Variants in NR3C2 observed in about 807,000 individuals in gnomAD.
NR3C2 encodes the protein nuclear receptor subfamily 3 group C member 2.
Under a neutral mutation model 86.4 loss-of-function variants are expected in NR3C2, and 15 were observed. The observed-to-expected ratio is 0.17, with a 90% CI of 0.12 to 0.27. NR3C2 has a LOEUF of 0.27. NR3C2 is among the 10% of genes least tolerant of loss of function. The pLI is 1.00. For synonymous variants in NR3C2, 458 were observed against 450.5 expected (o/e 1.02, Z -0.21); for missense variants, 960 against 1,195.6 (o/e 0.80, Z 2.91).
At chr4:148,429,948 G>A (rs1285553739) in intron 2 of NR3C2, among the ~76,000 whole-genome samples, 3 of 152,142 alleles carry the variant, frequency 2.0e-5, no homozygotes, top group Non-Finnish European at 1.5e-5. Context: ...ACAGCTGAAA[G>A]TGAAGAAAAA....
chr4:148,127,740 C>T (rs927799403), intron 6 of NR3C2, among the ~76,000 whole-genome samples: 2 of 152,100 alleles, frequency 1.3e-5, no homozygotes, highest in African/African-American at 4.8e-5. Context: ...AGACCCATTC[C>T]AGAGGTTGGG....
chr4:148,280,744 C>T (rs1206045862), intron 2 of NR3C2, among the ~76,000 whole-genome samples: 1 of 152,106 alleles, frequency 6.6e-6, no homozygotes, highest in Non-Finnish European at 1.5e-5. Context: ...AGCTCAAGCA[C>T]AATCCTCCTG....
intron 5 of NR3C2, among the ~76,000 whole-genome samples, chr4:148,153,998 T>C (rs894742433): frequency 6.0e-5 from 9 of 151,002 alleles, no homozygotes; most frequent in African/African-American, 2.4e-5. Context: ...TATGTCATTT[T>C]TTTTATTTTT....
intron 3 of NR3C2, among the ~76,000 whole-genome samples, chr4:148,250,119 A>T (rs534389702): frequency 6.6e-6 from 1 of 152,200 alleles, no homozygotes; most frequent in Non-Finnish European, 1.5e-5. Context: ...TATTTTACAT[A>T]TAACTACTTA....
intron 2 of NR3C2, among the ~76,000 whole-genome samples, chr4:148,277,784 C>G (rs1435493455): frequency 6.6e-6 from 1 of 152,170 alleles, no homozygotes; most frequent in African/African-American, 2.4e-5. Context: ...CCCACACCAG[C>G]ATTCATGCCA....
intron 2 of NR3C2, among the ~76,000 whole-genome samples, chr4:148,348,286 G>T (rs191486363): frequency 1.7e-4 from 26 of 152,142 alleles, no homozygotes; most frequent in African/African-American, 6.3e-4. Flanking sequence ...AATATGCTCT[G>T]TCCTCCCAGA....
At chr4:148,270,259 C>T (rs1198867944) in intron 2 of NR3C2, among the ~76,000 whole-genome samples, 1 of 152,106 alleles carries the variant, frequency 6.6e-6, no homozygotes, top group Non-Finnish European at 1.5e-5. Context: ...ATTTTCCTTG[C>T]CCTTGGTACT....
chr4:148,119,559 T>G (rs1385867202), intron 7 of NR3C2, among the ~76,000 whole-genome samples: 1 of 152,158 alleles, frequency 6.6e-6, no homozygotes, highest in Non-Finnish European at 1.5e-5. Flanking sequence ...TTTGGGACCC[T>G]GAGGCTGGTG....
chr4:148,316,216 C>T (rs755562868), intron 2 of NR3C2, among the ~76,000 whole-genome samples: 13 of 151,524 alleles, frequency 8.6e-5, no homozygotes, highest in Non-Finnish European at 1.8e-4. Context: ...AGTACACACA[C>T]ATACACACAC....
At chr4:148,222,648 C>A (rs1029153263) in intron 3 of NR3C2, among the ~76,000 whole-genome samples, 1 of 152,140 alleles carries the variant, frequency 6.6e-6, no homozygotes, top group African/African-American at 2.4e-5. Context: ...AAAAGCAATA[C>A]AATTTAAAAT....
chr4:148,245,776 T>A (rs961302041), intron 3 of NR3C2, among the ~76,000 whole-genome samples: 3 of 152,180 alleles, frequency 2.0e-5, no homozygotes, highest in African/African-American at 7.2e-5. Flanking sequence ...AGACTGAACC[T>A]GGAAATACTG....
chr4:148,379,394 A>G (rs904048011), intron 2 of NR3C2, among the ~76,000 whole-genome samples: 12 of 152,316 alleles, frequency 7.9e-5, no homozygotes, highest in African/African-American at 2.6e-4. Flanking sequence ...GCAAATGGTC[A>G]GAGCAGAACT....
At chr4:148,087,029 C>T (rs1402244247) in intron 8 of NR3C2, among the ~76,000 whole-genome samples, 1 of 152,208 alleles carries the variant, frequency 6.6e-6, no homozygotes, top group African/African-American at 2.4e-5. Flanking sequence ...AAAACCCCAT[C>T]ATCTCAGCCC....
intron 8 of NR3C2, among the ~76,000 whole-genome samples, chr4:148,089,560 C>G (rs538608718): frequency 3.9e-5 from 6 of 152,258 alleles, no homozygotes; most frequent in Non-Finnish European, 7.3e-5. Context: ...CACCATTTCC[C>G]TCTATGGAAC....
chr4:148,128,786 C>A (rs777764347), intron 6 of NR3C2, among the ~76,000 whole-genome samples: 7 of 152,198 alleles, frequency 4.6e-5, no homozygotes, highest in African/African-American at 7.2e-5. Flanking sequence ...TTCGGCTAGA[C>A]CACTAGGAAG....
intron 8 of NR3C2, among the ~76,000 whole-genome samples, chr4:148,083,208 C>T (rs1730660519): frequency 6.6e-6 from 1 of 152,232 alleles, no homozygotes; most frequent in Non-Finnish European, 1.5e-5. Context: ...GTTCTCCCAA[C>T]ACAGCACTAG....
At chr4:148,188,140 A>G (rs987299073) in intron 4 of NR3C2, among the ~76,000 whole-genome samples, 5 of 152,212 alleles carry the variant, frequency 3.3e-5, no homozygotes, top group African/African-American at 1.2e-4. Context: ...GTTTGAAATC[A>G]GGTAATGGGA....
At chr4:148,393,860 C>G (rs1303010896) in intron 2 of NR3C2, among the ~76,000 whole-genome samples, 1 of 152,138 alleles carries the variant, frequency 6.6e-6, no homozygotes. Flanking sequence ...TTTTAAAACA[C>G]ATGGCCATAG....
intron 6 of NR3C2, among the ~76,000 whole-genome samples, chr4:148,148,415 A>T (rs569700008): frequency 6.6e-6 from 1 of 152,298 alleles, no homozygotes; most frequent in East Asian, 1.9e-4. Flanking sequence ...ATTTGGAGGG[A>T]TCTTTTCAAG....
Sources: allele counts gnomAD v4.1 joint callset (sites outside exome capture counted in the v4.1 genomes callset), GRCh38; gene constraint gnomAD v4.1.1; transcripts MANE v1.5; gene names NCBI Gene and HGNC (gene_info 2026-07-23, HGNC 2026-07-21).